The following RHOT1 variants were observed in gnomAD, a reference collection of about 807,000 sequenced individuals.
The protein encoded by RHOT1 is mitochondrial Rho GTPase 1.
RHOT1 carries 27 observed loss-of-function variants against 95.3 expected under a neutral mutation model. The ratio of observed to expected loss-of-function variants is 0.28; its 90% confidence interval spans 0.21 to 0.39. The LOEUF (loss-of-function observed/expected upper bound fraction) is 0.39, where lower values mean the gene tolerates loss of function less well. Ranked by LOEUF, RHOT1 falls within the 10% of genes least tolerant of loss-of-function variation. The probability of loss-of-function intolerance (pLI) is 1.00; values close to 1 mark genes in which losing one functional copy is unlikely to be tolerated. For synonymous variants in RHOT1, 227 were observed against 263.5 expected (o/e 0.86, Z 1.34); for missense variants, 578 against 786.7 (o/e 0.73, Z 3.17).
At chr17:32,155,587 A>G (rs571927169) in intron 1 of RHOT1, among the ~76,000 whole-genome samples, 3 of 149,154 alleles carry the variant, frequency 2.0e-5, no homozygotes, top group African/African-American at 7.4e-5. Flanking sequence ...CTGTTGCCCA[A>G]GCTGGAGTGC....
intron 10 of RHOT1, 28 bp downstream of exon 10, chr17:32,193,272 T>G: frequency 2.8e-6 from 4 of 1,451,128 alleles, no homozygotes; most frequent in Non-Finnish European, 3.9e-6. Context: ...TTCCCCCTTT[T>G]GAAACTTAAT....
intron 6 of RHOT1, among the ~76,000 whole-genome samples, chr17:32,181,679 A>G (rs2035648117): frequency 6.6e-6 from 1 of 152,246 alleles, no homozygotes; most frequent in Admixed American, 6.5e-5. Flanking sequence ...ATTTTGAAGC[A>G]AATAGAGACA....
chr17:32,190,469 A>T (rs2036406828), intron 8 of RHOT1, among the ~76,000 whole-genome samples: 1 of 152,052 alleles, frequency 6.6e-6, no homozygotes, highest in Non-Finnish European at 1.5e-5. Flanking sequence ...AAAAAAGGAG[A>T]AAAGTGCATT....
At chr17:32,167,350 G>A (rs912687210) in intron 1 of RHOT1, among the ~76,000 whole-genome samples, 5 of 148,990 alleles carry the variant, frequency 3.4e-5, no homozygotes, top group Admixed American at 2.0e-4. Flanking sequence ...TTTTTGAGAC[G>A]GAGTCTCGCT....
At chr17:32,170,114 A>G (rs1188445448) in intron 1 of RHOT1, among the ~76,000 whole-genome samples, 2 of 152,096 alleles carry the variant, frequency 1.3e-5, no homozygotes, top group Non-Finnish European at 2.9e-5. Context: ...TAATACAACT[A>G]TCAAAAATAA....
At chr17:32,218,478 G>A (rs2038624590) in intron 19 of RHOT1, among the ~76,000 whole-genome samples, 1 of 150,094 alleles carries the variant, frequency 6.7e-6, no homozygotes, top group African/African-American at 2.5e-5. Context: ...CTGTACTGTA[G>A]CCTGGGTGAC....
At chr17:32,188,855 ATTAAT>A (rs2036247872) in intron 8 of RHOT1, among the ~76,000 whole-genome samples, 1 of 152,230 alleles carries the variant, frequency 6.6e-6, no homozygotes, top group Non-Finnish European at 1.5e-5. Flanking sequence ...GGTATAAATA[ATTAAT>A]TTGAGTTATC....
intron 19 of RHOT1, among the ~76,000 whole-genome samples, chr17:32,221,715 T>C (rs1395608370): frequency 6.6e-6 from 1 of 152,208 alleles, no homozygotes; most frequent in Non-Finnish European, 1.5e-5. Context: ...ATAGTTACCT[T>C]AAGTTTTAAA....
At chr17:32,201,891 T>C (rs1372333191) in intron 14 of RHOT1, among the ~76,000 whole-genome samples, 2 of 148,872 alleles carry the variant, frequency 1.3e-5, no homozygotes, top group South Asian at 2.2e-4. Context: ...AGGTATAGCC[T>C]AAGGAGGTTG....
intron 1 of RHOT1, among the ~76,000 whole-genome samples, chr17:32,147,669 A>G (rs2031571614): frequency 6.6e-6 from 1 of 151,958 alleles, no homozygotes; most frequent in Non-Finnish European, 1.5e-5. Flanking sequence ...AACATACAAA[A>G]TTTAGCTGGG....
intron 18 of RHOT1, 103 bp downstream of exon 18, chr17:32,208,412 A>G: frequency 8.7e-7 from 1 of 1,152,454 alleles, no homozygotes; most frequent in Non-Finnish European, 1.3e-6. Context: ...ATTGTTCAGC[A>G]ACAGAAAGAT....
chr17:32,166,214 AT>A (rs2034072818), intron 1 of RHOT1, among the ~76,000 whole-genome samples: 1 of 151,692 alleles, frequency 6.6e-6, no homozygotes, highest in African/African-American at 2.4e-5. Flanking sequence ...AGTTATGTTC[AT>A]ACTATACTGT....
At chr17:32,147,927 A>G (rs2031630308) in intron 1 of RHOT1, among the ~76,000 whole-genome samples, 1 of 152,040 alleles carries the variant, frequency 6.6e-6, no homozygotes, top group Non-Finnish European at 1.5e-5. Flanking sequence ...GGTGAACTGC[A>G]TCTTTTCTGG....
chr17:32,143,182 G>C lies in RHOT1; in HGVS notation c.37+453G>C, dbSNP rs114241856. 1.0e-3 allele frequency: 489 copies of C among 474,688 alleles called. 3 individuals are homozygous for C. Among genetic ancestry groups the C allele is most frequent in the African/African-American group, 8.3e-3 (418 of 50,442 alleles). 29.4% of individuals were successfully genotyped at this position (474,688 alleles called of 1,614,324 possible). A position where few individuals can be genotyped will look rare whatever the true frequency, so the allele number is the denominator to read the frequency against. On this transcript the variant is annotated intron_variant, in intron 1 of 19. Transcript: ENST00000545287. Reference sequence around the variant, plus strand: ...CTGGAATAAGCAGACTGACCAATAGGGATTGCGTGAACCGGCTCCCGGGGA... The same window carrying C: ...CTGGAATAAGCAGACTGACCAATAGCGATTGCGTGAACCGGCTCCCGGGGA...
intron 16 of RHOT1, among the ~76,000 whole-genome samples, chr17:32,206,098 C>G (rs150306045): frequency 6.6e-6 from 1 of 151,216 alleles, no homozygotes; most frequent in Non-Finnish European, 1.5e-5. Context: ...CTTAATCTTT[C>G]TAGCCCGTCT....
intron 1 of RHOT1, among the ~76,000 whole-genome samples, chr17:32,152,505 A>G (rs1232339240): frequency 6.6e-6 from 1 of 152,212 alleles, no homozygotes; most frequent in African/African-American, 2.4e-5. Context: ...TTGGACCTTC[A>G]GACACCCACT....
intron 11 of RHOT1, among the ~76,000 whole-genome samples, chr17:32,195,124 CTTT>C (rs770806549): frequency 6.9e-6 from 1 of 144,790 alleles, no homozygotes; most frequent in Non-Finnish European, 1.5e-5. Flanking sequence ...TGCACCCGGC[CTTT>C]TTTTTTTTTC....
In RHOT1 at chr17:32,204,991, A is replaced by G. The variant is rs1433241001; in HGVS notation, c.1416+1018A>G. Among the ~76,000 whole-genome samples, 4 of 151,994 alleles carry G rather than the reference A, an allele frequency of 2.6e-5. No homozygotes were observed. The South Asian group carries it at 8.3e-4, about 32-fold the overall frequency. On this transcript the variant is annotated intron_variant, in intron 16 of 19. Transcript: ENST00000545287. The stretch of plus-strand genomic sequence containing the variant: ...AAGTGAGACTCCGTCTCAAAAAAAA[A>G]AAAAAGTCGAAAAAACTGAACTCCC...
chr17:32,221,753 A>C (rs989895408), intron 19 of RHOT1, among the ~76,000 whole-genome samples: 2 of 152,252 alleles, frequency 1.3e-5, no homozygotes, highest in African/African-American at 4.8e-5. Flanking sequence ...ATGTATCTAT[A>C]TTGATCTTGA....
Sources: allele counts gnomAD v4.1 joint callset (sites outside exome capture counted in the v4.1 genomes callset), GRCh38; gene constraint gnomAD v4.1.1; transcripts MANE v1.5; gene names NCBI Gene and HGNC (gene_info 2026-07-23, HGNC 2026-07-21).